Variants in STAB2 observed in about 807,000 individuals in gnomAD.
STAB2 encodes the protein stabilin-2.
In STAB2, 288 loss-of-function variants were observed where a neutral mutation model predicts 338.1. The ratio of observed to expected loss-of-function variants is 0.85; its 90% confidence interval spans 0.77 to 0.94. STAB2 has a LOEUF of 0.94. STAB2 is among the 40% of genes least tolerant of loss of function. The pLI is 0.00. For missense variants in STAB2, 3,141 were observed against 3,210.1 expected, an observed-to-expected ratio of 0.98 and a Z score of 0.52; for synonymous variants, 1,202 against 1,193.3, an observed-to-expected ratio of 1.01 and a Z score of -0.15.
chr12:103,600,787 A>G (rs944050195), intron 3 of STAB2, among the ~76,000 whole-genome samples: 1 of 82,834 alleles, frequency 1.2e-5, no homozygotes, highest in African/African-American at 9.8e-5. Context: ...AGGAGATAGC[A>G]TATCCAGCCA....
chr12:103,636,828 T>C (rs576377282), intron 6 of STAB2, among the ~76,000 whole-genome samples: 9 of 152,188 alleles, frequency 5.9e-5, no homozygotes, highest in Non-Finnish European at 8.8e-5. Flanking sequence ...TTTCATAATA[T>C]ATCGTTAAAT....
intron 52 of STAB2, 39 bp downstream of exon 52, chr12:103,735,619 C>T: frequency 7.7e-7 from 1 of 1,305,806 alleles, no homozygotes; most frequent in Non-Finnish European, 1.1e-6. Context: ...GAGGGGTTAA[C>T]ACATTCACAG....
rs745852831 is a variant in STAB2, at chr12:103,761,293, TC to T, written c.7249-4del. 2 of 1,613,456 alleles carry T rather than the reference TC, an allele frequency of 1.2e-6. No homozygotes were observed. The highest frequency in any genetic ancestry group is 4.5e-5 in the East Asian group (2 of 44,852). On this transcript the variant is annotated splice_region_variant and splice_polypyrimidine_tract_variant and intron_variant, in intron 65 of 68. Coordinates refer to ENST00000388887, the MANE Select transcript of STAB2 (RefSeq NM_017564.10). Reference sequence around the variant, plus strand: ...AAAAGCCATCAACCCTCTTCTCATTTCCCTAGACGGAGACCAGGTTTGTTGA... The same window carrying T: ...AAAAGCCATCAACCCTCTTCTCATTTCCTAGACGGAGACCAGGTTTGTTGA...
At chr12:103,643,329 G>A (rs978385160) in intron 9 of STAB2, among the ~76,000 whole-genome samples, 4 of 152,086 alleles carry the variant, frequency 2.6e-5, no homozygotes, top group Admixed American at 6.6e-5. Flanking sequence ...CCAGTCCATC[G>A]CACTGTTCTT....
At chr12:103,737,841 T>C in intron 53 of STAB2, 61 bp downstream of exon 53, 6 of 1,604,164 alleles carry the variant, frequency 3.7e-6, no homozygotes, top group Non-Finnish European at 5.1e-6. Context: ...GCCCTCATGA[T>C]CCAGTGTGGA....
chr12:103,751,401 C>T (rs1883637007), intron 60 of STAB2, among the ~76,000 whole-genome samples: 1 of 152,096 alleles, frequency 6.6e-6, no homozygotes, highest in Non-Finnish European at 1.5e-5. Context: ...GTTGAAAGAA[C>T]TAACAATGGA....
chr12:103,612,130 T>G (rs1957133940), intron 3 of STAB2, among the ~76,000 whole-genome samples: 1 of 152,256 alleles, frequency 6.6e-6, no homozygotes, highest in Admixed American at 6.5e-5. Context: ...TTTTCCTTCA[T>G]TTCAACTTTG....
chr12:103,710,025 C>T (rs1454943041), intron 39 of STAB2, among the ~76,000 whole-genome samples: 2 of 152,118 alleles, frequency 1.3e-5, no homozygotes, highest in Admixed American at 1.3e-4. Flanking sequence ...TCTCTCAATC[C>T]ATCTCTTCCT....
Position 103,757,878 on chromosome 12 carries a change from A to G in STAB2, c.6988-292A>G, listed in dbSNP as rs1593350233. 3 of 409,102 alleles carry G rather than the reference A, an allele frequency of 7.3e-6. No individual in the cohort carries two copies. In the Middle Eastern group the frequency reaches 2.1e-3, roughly 290 times the overall value. The allele number at this position is 409,102 out of a possible 1,614,324, so 25.3% of individuals were successfully genotyped here. A position where few individuals can be genotyped will look rare whatever the true frequency, so the allele number is the denominator to read the frequency against. The stretch of plus-strand genomic sequence containing the variant: ...TCTGAGTGAAGTGGGGGGCCACTGC[A>G]GGATTTTGAGAAGACTCGAGATTTG... On this transcript the variant is annotated intron_variant, in intron 63 of 68. Coordinates refer to ENST00000388887, the MANE Select transcript of STAB2 (RefSeq NM_017564.10).
At chr12:103,648,278 T>C (rs1041900431) in intron 9 of STAB2, among the ~76,000 whole-genome samples, 4 of 152,204 alleles carry the variant, frequency 2.6e-5, no homozygotes, top group Non-Finnish European at 5.9e-5. Context: ...GCATTCTAAG[T>C]AGATCAATAA....
intron 38 of STAB2, among the ~76,000 whole-genome samples, chr12:103,707,939 CA>C (rs1369081809): frequency 2.0e-5 from 3 of 152,156 alleles, no homozygotes; most frequent in Non-Finnish European, 2.9e-5. Flanking sequence ...TGGGATTCAG[CA>C]AACCGCTAAA....
At position 103,746,718 on chromosome 12, in the gene STAB2, G is replaced by C; in HGVS notation, c.6244+14G>C. On this transcript the variant is annotated intron_variant, in intron 58 of 68. Coordinates refer to ENST00000388887, the MANE Select transcript of STAB2 (RefSeq NM_017564.10). ...TCACATGCACAGGTAAGCCACCTTT[G>C]TGCACAGGTGAAATAGCAGCATGGT... 1 of 1,612,262 alleles carries C rather than the reference G, an allele frequency of 6.2e-7. No homozygotes were observed. Among genetic ancestry groups the C allele is most frequent in the Non-Finnish European group, 8.5e-7 (1 of 1,178,862 alleles).
chr12:103,756,947 C>T (rs1471384505), intron 63 of STAB2, among the ~76,000 whole-genome samples: 1 of 146,050 alleles, frequency 6.8e-6, no homozygotes, highest in Non-Finnish European at 1.5e-5. Flanking sequence ...AAAACATTTT[C>T]AGCAAATTAC....
intron 63 of STAB2, among the ~76,000 whole-genome samples, chr12:103,756,999 ATAT>A (rs1566082351): frequency 0.017 from 797 of 47,250 alleles, 21 homozygotes; most frequent in African/African-American, 0.04. Flanking sequence ...GAGGGAAAAT[ATAT>A]ATATATATAT....
intron 33 of STAB2, among the ~76,000 whole-genome samples, chr12:103,696,339 A>G (rs7136870): frequency 0.32 from 49,130 of 151,896 alleles, 8,418 homozygotes; most frequent in East Asian, 0.42. Context: ...CAGCCACCCA[A>G]TATAAACATG....
Position 103,740,776 on chromosome 12 carries a change from C to G in STAB2, c.5881+20C>G, listed in dbSNP as rs762901515. ...GTCAGGGTGAGGGTGCCTCTTCCCC[C>G]CTCGCAACTCTAAAAGTGGTAATAT... On this transcript the variant is annotated intron_variant, in intron 55 of 68. Coordinates refer to ENST00000388887, the MANE Select transcript of STAB2 (RefSeq NM_017564.10). The G allele has an allele frequency of 6.4e-6, 10 of 1,553,382 alleles. No homozygotes were observed. The highest frequency in any genetic ancestry group is 4.9e-5 in the South Asian group (4 of 81,132).
intron 3 of STAB2, among the ~76,000 whole-genome samples, chr12:103,606,214 A>C (rs1225726815): frequency 6.6e-6 from 1 of 152,162 alleles, no homozygotes; most frequent in Non-Finnish European, 1.5e-5. Flanking sequence ...TCTACATTTA[A>C]CTGATATTAC....
chr12:103,746,739 A>G (rs2056128), intron 58 of STAB2, 35 bp downstream of exon 58: 950,045 of 1,601,976 alleles, frequency 0.59, 286,192 homozygotes, highest in African/African-American at 0.8. Context: ...AAATAGCAGC[A>G]TGGTGTGGGA....
intron 3 of STAB2, among the ~76,000 whole-genome samples, chr12:103,596,181 A>G (rs569599734): frequency 2.6e-5 from 4 of 152,336 alleles, no homozygotes; most frequent in Admixed American, 2.6e-4. Flanking sequence ...TGTGGTCATG[A>G]TCATGTCTAG....
Sources: allele counts gnomAD v4.1 joint callset (sites outside exome capture counted in the v4.1 genomes callset), GRCh38; gene constraint gnomAD v4.1.1; transcripts MANE v1.5; gene names NCBI Gene and HGNC (gene_info 2026-07-23, HGNC 2026-07-21).